TFEB: variants seen among roughly 807,000 people sequenced by gnomAD.
TFEB encodes the protein T-cell transcription factor EB.
A neutral mutation model predicts 48.0 loss-of-function variants in TFEB; 12 were observed. The observed-to-expected ratio is 0.25, with a 90% CI of 0.16 to 0.40. The LOEUF (loss-of-function observed/expected upper bound fraction) is 0.40. Ranked by LOEUF, TFEB falls within the 10% of genes least tolerant of loss-of-function variation. The pLI is 1.00. For missense variants in TFEB, 509 were observed against 640.3 expected (o/e 0.79, Z 2.21); for synonymous variants, 244 against 261.4 (o/e 0.93, Z 0.64).
At chr6:41,686,507 T>A (rs1769013287) in intron 7 of TFEB, 2 of 258,970 alleles carry the variant, frequency 7.7e-6, no homozygotes, top group Non-Finnish European at 6.8e-6. Context: ...AGCCTACCTT[T>A]CTTTTTTTTT....
At chr6:41,714,137 G>GCA (rs1309135931) in intron 1 of TFEB, among the ~76,000 whole-genome samples, 2 of 119,322 alleles carry the variant, frequency 1.7e-5, no homozygotes, top group African/African-American at 4.2e-5. Context: ...GTGTGCATGT[G>GCA]TGCGTGTGTG....
chr6:41,732,453 A>C (rs1350580158), intron 1 of TFEB, among the ~76,000 whole-genome samples: 1 of 152,256 alleles, frequency 6.6e-6, no homozygotes, highest in Admixed American at 6.5e-5. Flanking sequence ...CAATCTTATT[A>C]TAATATTGTT....
At chr6:41,736,091 G>A, upstream of TFEB, 1 of 1,610,228 alleles carries the variant, frequency 6.2e-7, no homozygotes, top group East Asian at 2.2e-5. Flanking sequence ...GGTAAAATAT[G>A]ACAGTAGAAG....
rs1769261920 is a variant in TFEB, at chr6:41,690,769, G to A, written c.362C>T (p.Ala121Val). The A allele has an allele frequency of 6.2e-7, 1 of 1,611,176 alleles. No homozygotes were observed. Among genetic ancestry groups the A allele is most frequent in the Non-Finnish European group, 8.5e-7 (1 of 1,178,324 alleles). The change falls in exon 3 of 9, where the codon GCC (alanine) becomes GTC (valine). Residue 121 changes from alanine (A) to valine (V), a missense_variant. By Grantham distance (64) the Ala-to-Val change is moderately conservative. This residue lies in a region of TFEB where 251 missense variants were observed against 317.2 expected (regional missense o/e 0.79). Transcript: ENST00000373033. ...AQGSPKPPPA[A>V]SPGVRAGHVL... is the part of the protein sequence containing the mutation. ...GTGTCCAGCTCGCACCCCTGGGGAG[G>A]CGGCTGGTGGGGGTTTCGGAGAGCC...
intron 1 of TFEB, among the ~76,000 whole-genome samples, chr6:41,695,472 CCAA>C (rs1464046893): frequency 6.6e-6 from 1 of 152,198 alleles, no homozygotes; most frequent in East Asian, 1.9e-4. Flanking sequence ...TTTTTTCTTC[CCAA>C]CAACCCAATG....
intron 1 of TFEB, among the ~76,000 whole-genome samples, chr6:41,714,399 A>C (rs1163249521): frequency 6.6e-6 from 1 of 152,182 alleles, no homozygotes; most frequent in Admixed American, 6.5e-5. Context: ...GTTCTAGATT[A>C]TGAATAAGGC....
intron 1 of TFEB, among the ~76,000 whole-genome samples, chr6:41,728,283 C>T (rs749077676): frequency 1.6e-4 from 24 of 152,186 alleles, no homozygotes; most frequent in Non-Finnish European, 3.2e-4. Flanking sequence ...CTGATGTGCT[C>T]AGTACATGCC....
chr6:41,718,716 T>C (rs1770849312), intron 1 of TFEB, among the ~76,000 whole-genome samples: 1 of 151,710 alleles, frequency 6.6e-6, no homozygotes, highest in Admixed American at 6.6e-5. Flanking sequence ...CTGTGCCTGC[T>C]TGACCTCTAA....
intron 1 of TFEB, among the ~76,000 whole-genome samples, chr6:41,711,150 A>G (rs1220916494): frequency 6.6e-6 from 1 of 152,232 alleles, no homozygotes; most frequent in Admixed American, 6.5e-5. Context: ...TGGCTTTATC[A>G]TGTATTAATT....
intron 1 of TFEB, among the ~76,000 whole-genome samples, chr6:41,714,124 T>C (rs541761929): frequency 3.9e-4 from 51 of 130,716 alleles, no homozygotes; most frequent in Middle Eastern, 4.0e-3. Flanking sequence ...TGTGTGTGTG[T>C]GCGTGTGCAT....
intron 1 of TFEB, chr6:41,732,566 C>G (rs763547247): frequency 2.0e-6 from 2 of 985,854 alleles, no homozygotes; most frequent in Non-Finnish European, 2.4e-6. Flanking sequence ...TACCCACATT[C>G]CTAGACACTT....
chr6:41,699,007 G>A (rs1188727770), intron 1 of TFEB, among the ~76,000 whole-genome samples: 14 of 152,214 alleles, frequency 9.2e-5, no homozygotes, highest in Non-Finnish European at 1.9e-4. Context: ...AGTGAGGGGT[G>A]GAAAGGTATC....
chr6:41,686,119 T>C lies in TFEB; in HGVS notation c.922A>G (p.Thr308Ala). The change falls in exon 8 of 9, where the codon ACC becomes GCC. Residue 308 changes from threonine to alanine, a missense_variant. Thr to Ala is a moderately conservative substitution (Grantham distance 58). This residue lies in a region of TFEB where 62 missense variants were observed against 90.2 expected (regional missense o/e 0.69). Coordinates refer to ENST00000373033, the MANE Select transcript of TFEB (RefSeq NM_001271944.2). ...LENHSRRLEM[T>A]NKQLWLRIQE... The stretch of plus-strand genomic sequence containing the variant: ...ATACGGAGCCAGAGCTGCTTGTTGG[T>C]CATCTCCAGGCGGCGAGAGTGGTTC... The C allele has an allele frequency of 6.2e-7, 1 of 1,614,214 alleles. No homozygotes were observed.
chr6:41,691,575 G>T lies in TFEB; in HGVS notation c.-22-340C>A. The stretch of plus-strand genomic sequence containing the variant: ...TCCGACCTCATATCCACCCTCCTTT[G>T]CTGCCACAAGGTGGGCCCAGCCTAT... On this transcript the variant is annotated intron_variant, in intron 1 of 8. Transcript: ENST00000373033. The surrounding 1 kb of genome is among the most constrained non-coding windows in gnomAD (Gnocchi z 5.2). The T allele has an allele frequency of 4.1e-6, 2 of 485,870 alleles. No individual in the cohort carries two copies. Among genetic ancestry groups the T allele is most frequent in the Admixed American group, 3.2e-5 (1 of 31,330 alleles). 30.1% of individuals were successfully genotyped at this position (485,870 alleles called of 1,614,324 possible). A position where few individuals can be genotyped will look rare whatever the true frequency, so the allele number is the denominator to read the frequency against.
At position 41,721,612 on chromosome 6, in the gene TFEB, G is replaced by A. The variant is rs528755014; in HGVS notation, c.-23+13738C>T. On this transcript the variant is annotated intron_variant, in intron 1 of 8. Coordinates refer to ENST00000373033, the MANE Select transcript of TFEB (RefSeq NM_001271944.2). The stretch of plus-strand genomic sequence containing the variant: ...TGCAGCCCAACTATCTGCCTGGCGC[G>A]TGGCCCTCTCTACAACAGGCGCCTA... Among the ~76,000 whole-genome samples the A allele has an allele frequency of 9.2e-5, 14 of 152,268 alleles. No individual in the cohort carries two copies. The South Asian group carries it at 2.3e-3, about 25-fold the overall frequency.
At chr6:41,702,320 T>G (rs6920288) in intron 1 of TFEB, among the ~76,000 whole-genome samples, 1 of 151,994 alleles carries the variant, frequency 6.6e-6, no homozygotes, top group Admixed American at 6.5e-5. Flanking sequence ...TTAGCCCGCC[T>G]GAGAGCCTGG....
At chr6:41,731,949 C>T (rs1466990595) in intron 1 of TFEB, among the ~76,000 whole-genome samples, 1 of 152,222 alleles carries the variant, frequency 6.6e-6, no homozygotes, top group African/African-American at 2.4e-5. Flanking sequence ...CCTTTGGTCA[C>T]CCATGCTGGC....
At chr6:41,732,770 G>A (rs1203400700) in intron 1 of TFEB, 3 of 985,782 alleles carry the variant, frequency 3.0e-6, no homozygotes, top group Non-Finnish European at 3.6e-6. Context: ...ACTGCGTCCT[G>A]GGACGTGAAC....
intron 1 of TFEB, among the ~76,000 whole-genome samples, chr6:41,714,545 TGGTATCATTCCA>T (rs1473813051): frequency 1.3e-5 from 2 of 152,166 alleles, no homozygotes. Flanking sequence ...GCGGCCTTGA[TGGTATCATTCCA>T]TTCATTCATT....
Sources: gnomAD v4.1 joint callset for allele counts (sites outside exome capture counted in the v4.1 genomes callset) on GRCh38, gnomAD v4.1.1 for gene constraint, gnomAD v4.1.1 regional missense constraint, Gnocchi (gnomAD v3.1) non-coding constraint, MANE v1.5 for transcripts, NCBI Gene and HGNC (gene_info 2026-07-23, HGNC 2026-07-21) for gene names.